The following UBE2V1 variants were observed in gnomAD, a reference collection of about 807,000 sequenced individuals.
UBE2V1 encodes the protein ubiquitin-conjugating enzyme E2 variant 1.
Under a neutral mutation model 19.6 loss-of-function variants are expected in UBE2V1, and 15 were observed. The ratio of observed to expected loss-of-function variants is 0.77; its 90% CI spans 0.51 to 1.18. UBE2V1 has a LOEUF of 1.18. Among genes scored for constraint, UBE2V1 ranks in the 50% most tolerant of loss-of-function variants. UBE2V1 has a pLI of 0.00. For synonymous variants in UBE2V1, 60 were observed against 60.7 expected, an observed-to-expected ratio of 0.99 and a Z score of 0.05; for missense variants, 125 against 184.8, an observed-to-expected ratio of 0.68 and a Z score of 1.88.
chr20:50,082,976 G>A (rs190526629), intron 3 of UBE2V1, 62 bp from the exon 4 acceptor site: 19 of 1,587,872 alleles, frequency 1.2e-5, no homozygotes, highest in Admixed American at 1.7e-5. Context: ...GCTATATGCC[G>A]GGGTTAAGCT....
intron 2 of UBE2V1, among the ~76,000 whole-genome samples, chr20:50,090,663 G>A (rs1314312295): frequency 6.6e-6 from 1 of 152,116 alleles, no homozygotes; most frequent in Non-Finnish European, 1.5e-5. Flanking sequence ...AGGGTGTAAG[G>A]GGAGATACTG....
At chr20:50,102,137 G>A (rs1267716259) in intron 1 of UBE2V1, among the ~76,000 whole-genome samples, 2 of 152,154 alleles carry the variant, frequency 1.3e-5, no homozygotes, top group East Asian at 3.9e-4. Context: ...CACTGTGACC[G>A]AACATGTGGC....
At chr20:50,113,272 G>A, upstream of UBE2V1, 4 of 588,448 alleles carry the variant, frequency 6.8e-6, no homozygotes, top group Non-Finnish European at 1.0e-5. Flanking sequence ...TGGCCTGGAA[G>A]GCTCTTTTCC....
chr20:50,083,537 C>T (rs1026894360), intron 3 of UBE2V1, among the ~76,000 whole-genome samples: 2 of 152,222 alleles, frequency 1.3e-5, no homozygotes, highest in African/African-American at 4.8e-5. Flanking sequence ...CTTGGCGTGA[C>T]GTTAACATGT....
At chr20:50,103,702 G>C (rs555448332) in intron 1 of UBE2V1, among the ~76,000 whole-genome samples, 1 of 151,750 alleles carries the variant, frequency 6.6e-6, no homozygotes, top group Non-Finnish European at 1.5e-5. Context: ...CATTGCACCC[G>C]GCCTGACTAT....
intron 2 of UBE2V1, among the ~76,000 whole-genome samples, chr20:50,094,297 T>TGCATTATATAATATATAATGCA (rs1323718771): frequency 7.4e-6 from 1 of 135,320 alleles, no homozygotes; most frequent in African/African-American, 3.1e-5. Flanking sequence ...TAATATATAA[T>TGCATTATATAATATATAATGCA]TATATATAAT....
chr20:50,091,410 C>CTTTT lies in UBE2V1; in HGVS notation c.171+5258_171+5261dup, dbSNP rs11482128. ...CATTAATCAGTCATATAACTTAAGG[C>CTTTT]TTTTTTTTTTTTTTTTTTGAGATGG... On this transcript the variant is annotated intron_variant, in intron 2 of 3. Transcript: ENST00000371674. 2.8e-3 allele frequency among the ~76,000 whole-genome samples: 319 copies of CTTTT among 112,270 alleles called. 11 individuals are homozygous for CTTTT. The highest frequency in any genetic ancestry group is 7.4e-3 in the African/African-American group (206 of 27,780). 73.7% of individuals were successfully genotyped at this position (112,270 alleles called of 152,430 possible).
intron 2 of UBE2V1, among the ~76,000 whole-genome samples, chr20:50,093,539 TGAGAATGTG>T (rs1414492906): frequency 2.0e-5 from 3 of 152,110 alleles, no homozygotes; most frequent in African/African-American, 7.2e-5. Flanking sequence ...CAAGTGTTGG[TGAGAATGTG>T]GAGAAATGGG....
At chr20:50,111,343 T>G (rs550900261) in intron 1 of UBE2V1, 2 of 997,248 alleles carry the variant, frequency 2.0e-6, no homozygotes, top group Non-Finnish European at 2.4e-6. Context: ...TAACCCAGAT[T>G]GTAGGTAGCC....
chr20:50,113,756 C>G (rs974216106), upstream of UBE2V1, among the ~76,000 whole-genome samples: 2 of 144,354 alleles, frequency 1.4e-5, no homozygotes, highest in African/African-American at 5.2e-5. Flanking sequence ...CATTTGCTAA[C>G]CATCTACCCA....
At chr20:50,115,375 C>G, upstream of UBE2V1, 4 of 1,369,276 alleles carry the variant, frequency 2.9e-6, no homozygotes, top group Non-Finnish European at 3.8e-6. Flanking sequence ...TCGTGTATCA[C>G]GTGATACAAG....
intron 2 of UBE2V1, among the ~76,000 whole-genome samples, chr20:50,093,420 G>C (rs1223416756): frequency 6.6e-6 from 1 of 151,884 alleles, no homozygotes; most frequent in African/African-American, 2.4e-5. Flanking sequence ...TGCTAATCAT[G>C]AAAGATTGGT....
intron 2 of UBE2V1, among the ~76,000 whole-genome samples, chr20:50,093,149 C>T (rs1200397829): frequency 3.9e-5 from 6 of 152,190 alleles, no homozygotes; most frequent in Admixed American, 3.9e-4. Flanking sequence ...ATGTTGTTTC[C>T]AATATTTTGC....
chr20:50,109,037 C>A, intron 1 of UBE2V1: 12 of 985,440 alleles, frequency 1.2e-5, no homozygotes, highest in Non-Finnish European at 1.4e-5. Context: ...CTAGTCCGAG[C>A]ATCACCAGTC....
Position 50,084,209 on chromosome 20 carries a change from G to A in UBE2V1, c.217C>T (p.Pro73Ser). 6.8e-6 allele frequency: 11 copies of A among 1,611,962 alleles called. No homozygotes were observed. The highest frequency in any genetic ancestry group is 9.3e-6 in the Non-Finnish European group (11 of 1,179,424). The part of the protein sequence containing the change: ...RIYSLKIECG[P>S]KYPEAPPFVR... ...AAGGGGGGTGCTTCTGGGTATTTAG[G>A]TCCACATTCTATTTTAAGGCTGTAT... The change falls in exon 3 of 4, where the codon CCT becomes TCT. Residue 73 changes from proline (P) to serine (S), a missense_variant. Coordinates refer to ENST00000371674, the MANE Select transcript of UBE2V1 (RefSeq NM_001032288.3).
At chr20:50,108,189 G>T (rs961360870) in intron 1 of UBE2V1, among the ~76,000 whole-genome samples, 1 of 152,234 alleles carries the variant, frequency 6.6e-6, no homozygotes, top group Admixed American at 6.5e-5. Flanking sequence ...AAGACTGAAA[G>T]CAAGAGGCTT....
At chr20:50,112,808 C>A (rs1457939922) in intron 1 of UBE2V1, among the ~76,000 whole-genome samples, 1 of 152,136 alleles carries the variant, frequency 6.6e-6, no homozygotes, top group Non-Finnish European at 1.5e-5. Flanking sequence ...TCAGGAGTGC[C>A]TCGGAGCTCG....
At chr20:50,089,925 G>A (rs1009646090) in intron 2 of UBE2V1, among the ~76,000 whole-genome samples, 6 of 152,088 alleles carry the variant, frequency 3.9e-5, no homozygotes, top group Admixed American at 1.3e-4. Context: ...CCCTTACCTC[G>A]GCAGCAAGAG....
At chr20:50,089,896 G>C (rs2079125053) in intron 2 of UBE2V1, among the ~76,000 whole-genome samples, 1 of 151,864 alleles carries the variant, frequency 6.6e-6, no homozygotes, top group Non-Finnish European at 1.5e-5. Context: ...GTTCCTTTAG[G>C]TATCACCCCA....
Sources: allele counts gnomAD v4.1 joint callset (sites outside exome capture counted in the v4.1 genomes callset), GRCh38; gene constraint gnomAD v4.1.1; transcripts MANE v1.5; gene names NCBI Gene and HGNC (gene_info 2026-07-23, HGNC 2026-07-21).